The following ISYNA1 variants were observed in gnomAD, a reference collection of about 807,000 sequenced individuals.
The protein encoded by ISYNA1 is inositol-3-phosphate synthase 1.
In ISYNA1, 34 loss-of-function variants were observed where a neutral mutation model predicts 50.3. The observed-to-expected ratio is 0.68, with a 90% CI of 0.51 to 0.90. The LOEUF (loss-of-function observed/expected upper bound fraction) is 0.90, where lower values mean the gene tolerates loss of function less well. Among genes scored for constraint, ISYNA1 ranks in the 40% least tolerant of loss-of-function variants. The probability of loss-of-function intolerance (pLI) is 0.00; values close to 1 mark genes in which losing one functional copy is unlikely to be tolerated. For missense variants in ISYNA1, 718 were observed against 784.8 expected (o/e 0.91, Z 1.02); for synonymous variants, 396 against 349.9 (o/e 1.13, Z -1.47).
In ISYNA1 at chr19:18,436,727, C is replaced by T; in HGVS notation, c.566G>A (p.Ser189Asn). ...TGGGATGAGGTTGTCCGCGCGCGCG[C>T]TCTGGTTGGCCGCGATGAATTCGGG... Reference protein sequence around the residue: ...YIPEFIAANQSARADNLIPGS... With the variant: ...YIPEFIAANQNARADNLIPGS... The change falls in exon 5 of 11, where the codon AGC becomes AAC. Residue 189 changes from serine (S) to asparagine (N), a missense_variant. Physicochemically the swap from Ser to Asn is conservative, Grantham distance 46 (BLOSUM62 1). This residue lies in a region of ISYNA1 where 403 missense variants were observed against 466.6 expected (regional missense o/e 0.86). Transcript: ENST00000338128. 1 of 1,567,718 alleles carries T rather than the reference C, an allele frequency of 6.4e-7. No homozygotes were observed. Among genetic ancestry groups the T allele is most frequent in the Non-Finnish European group, 8.6e-7 (1 of 1,159,984 alleles).
At position 18,435,748 on chromosome 19, in the gene ISYNA1, C is replaced by G; in HGVS notation, c.1140+9G>C. 2 of 1,612,312 alleles carry G rather than the reference C, an allele frequency of 1.2e-6. No individual in the cohort carries two copies. The highest frequency in any genetic ancestry group is 1.1e-5 in the South Asian group (1 of 91,082). On this transcript the variant is annotated intron_variant, in intron 8 of 10. Coordinates refer to ENST00000338128, the MANE Select transcript of ISYNA1 (RefSeq NM_016368.5). ...GGCAACCCCGCGCCCGCGCCCGCGC[C>G]CCACGCACGCAGTGGTCAGGCTCTT...
chr19:18,436,301 T>C, intron 6 of ISYNA1, 29 bp downstream of exon 6: 1 of 1,609,912 alleles, frequency 6.2e-7, no homozygotes. Context: ...TGGCCCTGCC[T>C]GACCCGCTCC....
rs763042538 is a variant in ISYNA1, at chr19:18,434,891, G to A, written c.*22C>T. ...TGGGGGGCAGCGGGGAGGAAGAGCCGAGAAACTGTGTGACCGGGGCCTCAG... is the reference window on the plus strand; with the variant it reads ...TGGGGGGCAGCGGGGAGGAAGAGCCAAGAAACTGTGTGACCGGGGCCTCAG... On this transcript the variant is annotated 3_prime_UTR_variant, in exon 11 of 11. Transcript: ENST00000338128. 12 of 1,605,034 alleles carry A rather than the reference G, an allele frequency of 7.5e-6. No individual in the cohort carries two copies. Among genetic ancestry groups the A allele is most frequent in the Non-Finnish European group, 9.4e-6 (11 of 1,174,024 alleles).
Position 18,436,495 on chromosome 19 carries a change from T to C in ISYNA1, c.610-16A>G. The C allele has an allele frequency of 6.2e-7, 1 of 1,601,890 alleles. No homozygotes were observed. Among genetic ancestry groups the C allele is most frequent in the Non-Finnish European group, 8.5e-7 (1 of 1,179,520 alleles). On this transcript the variant is annotated splice_polypyrimidine_tract_variant and intron_variant, in intron 5 of 10. Transcript: ENST00000338128. ...TCTGCTCCAGCTGTGGGTTGGATGG[T>C]GAGGGTGTGGGGAGGATGGAGAGGG...
rs558889381 is a variant in ISYNA1 at position 18,435,415 on chromosome 19, G to T, written c.1323C>A (p.Ser441Arg). Reference protein sequence around the residue: ...ALLTELCQRVSFCTDMDPEPQ... With the variant: ...ALLTELCQRVRFCTDMDPEPQ... ...GCTCGGGGTCCATGTCAGTGCAGAA[G>T]CTCACGCGCTGGCACAGCTCGGTCA... is the stretch of plus-strand genomic sequence containing the variant. Residue 441 changes from serine (S) to arginine (R), a missense_variant, in exon 10 of 11, where the codon AGC (serine) becomes AGA (arginine). Coordinates refer to ENST00000338128, the MANE Select transcript of ISYNA1 (RefSeq NM_016368.5). The T allele has an allele frequency of 1.9e-6, 3 of 1,610,984 alleles. No homozygotes were observed. Among genetic ancestry groups the T allele is most frequent in the South Asian group, 2.2e-5 (2 of 91,092 alleles).
At position 18,435,823 on chromosome 19, in the gene ISYNA1, G is replaced by T. The variant is rs759435201; in HGVS notation, c.1074C>A (p.Asn358Lys). 1.9e-6 allele frequency: 3 copies of T among 1,613,834 alleles called. No homozygotes were observed. Among genetic ancestry groups the T allele is most frequent in the Non-Finnish European group, 1.7e-6 (2 of 1,179,954 alleles). ...QFRSKEVSKSNVVDDMVQSNP... is the reference protein window; with the variant it reads ...QFRSKEVSKSKVVDDMVQSNP... ...TGCTCTGCACCATGTCGTCCACCAC[G>T]TTGCTCTTGGACACCTCCTTAGAGC... The change falls in exon 8 of 11, where the codon AAC (asparagine) becomes AAA (lysine). Residue 358 changes from asparagine (N) to lysine (K), a missense_variant. Physicochemically the swap from Asn to Lys is moderately conservative, Grantham distance 94. This residue lies in a region of ISYNA1 where 305 missense variants were observed against 292.6 expected (regional missense o/e 1.04). Transcript: ENST00000338128.
Position 18,436,067 on chromosome 19 carries a change from C to G in ISYNA1, c.940G>C (p.Val314Leu). ...GAGCCAATGAGGAAGTCCACAAGCACGGACTTGACTTTGGTCTGGCCTGAC... is the reference window on the plus strand; with the variant it reads ...GAGCCAATGAGGAAGTCCACAAGCAGGGACTTGACTTTGGTCTGGCCTGAC... ...FKSGQTKVKS[V>L]LVDFLIGSGL... The change falls in exon 7 of 11, where the codon GTG becomes CTG. Residue 314 changes from valine (V) to leucine (L), a missense_variant. This residue lies in a region of ISYNA1 where 403 missense variants were observed against 466.6 expected (regional missense o/e 0.86). Transcript: ENST00000338128. 1 of 1,613,384 alleles carries G rather than the reference C, an allele frequency of 6.2e-7. No individual in the cohort carries two copies. Among genetic ancestry groups the G allele is most frequent in the Non-Finnish European group, 8.5e-7 (1 of 1,179,956 alleles).
chr19:18,434,394 TA>T lies in ISYNA1; in HGVS notation c.*518del. 1 of 1,371,888 alleles carries T rather than the reference TA, an allele frequency of 7.3e-7. No homozygotes were observed. Among genetic ancestry groups the T allele is most frequent in the Admixed American group, 3.0e-5 (1 of 33,524 alleles). 85.0% of individuals were successfully genotyped at this position (1,371,888 alleles called of 1,614,324 possible). A position where few individuals can be genotyped will look rare whatever the true frequency, so the allele number is the denominator to read the frequency against. Reference sequence around the variant, plus strand: ...TGGGAGGCCCCACACGAAAGACTCTTACCATTTTATTAAAAACGCAAGGACC... The same window carrying T: ...TGGGAGGCCCCACACGAAAGACTCTTCCATTTTATTAAAAACGCAAGGACC... On this transcript the variant is annotated 3_prime_UTR_variant, in exon 11 of 11. Coordinates refer to ENST00000338128, the MANE Select transcript of ISYNA1 (RefSeq NM_016368.5).
At position 18,437,110 on chromosome 19, in the gene ISYNA1, G is replaced by A. The variant is rs376059509; in HGVS notation, c.283-5C>T. The A allele has an allele frequency of 6.1e-4, 958 of 1,571,924 alleles. No homozygotes were observed. The highest frequency in any genetic ancestry group is 8.0e-4 in the Non-Finnish European group (932 of 1,160,056). ...CGAGCCGTAGTAGTTGGCCTCCTGG[G>A]GGTCAGCAGACACGGCGAGGTGACG... On this transcript the variant is annotated splice_polypyrimidine_tract_variant and splice_region_variant and intron_variant, in intron 3 of 10. Transcript: ENST00000338128.
At chr19:18,436,519 G>A (rs1974051137) in intron 5 of ISYNA1, 40 bp from the exon 6 acceptor site, 3 of 1,601,128 alleles carry the variant, frequency 1.9e-6, no homozygotes, top group East Asian at 2.2e-5. Flanking sequence ...GGATGGAGAG[G>A]GTGTAGGGAA....
In ISYNA1 at chr19:18,435,037, A is replaced by T; in HGVS notation, c.1553T>A (p.Val518Asp). The T allele has an allele frequency of 6.2e-7, 1 of 1,613,496 alleles. No homozygotes were observed. The highest frequency in any genetic ancestry group is 8.5e-7 in the Non-Finnish European group (1 of 1,179,980). The change falls in exon 11 of 11, where the codon GTT becomes GAT. Residue 518 changes from valine to aspartate, a missense_variant. Val to Asp is a radical substitution (Grantham distance 152, BLOSUM62 -3). This residue lies in a region of ISYNA1 where 305 missense variants were observed against 292.6 expected (regional missense o/e 1.04). Transcript: ENST00000338128. Reference sequence around the variant, plus strand: ...AGGGTAGGTGGCAGCCACGGGTCCAACTCGCTTGAGGCTGGGCCCTGGGCG... The same window carrying T: ...AGGGTAGGTGGCAGCCACGGGTCCATCTCGCTTGAGGCTGGGCCCTGGGCG... ...MERPGPSLKRVGPVAATYPML... is the reference protein window; with the variant it reads ...MERPGPSLKRDGPVAATYPML...
chr19:18,436,561 G>A (rs1181469287), intron 5 of ISYNA1, 82 bp from the exon 6 acceptor site: 2 of 1,596,192 alleles, frequency 1.3e-6, no homozygotes, highest in Non-Finnish European at 1.7e-6. Context: ...ACTCACAGAG[G>A]CCTGGGCTAC....
At position 18,437,631 on chromosome 19, in the gene ISYNA1, G is replaced by A; in HGVS notation, c.250C>T (p.Arg84Cys). Residue 84 changes from arginine (R) to cysteine (C), a missense_variant, in exon 3 of 11, where the codon CGT becomes TGT. Coordinates refer to ENST00000338128, the MANE Select transcript of ISYNA1 (RefSeq NM_016368.5). ...CCGCTGCGCGTGGGCCAGGACAAAC[G>A]CAGTCGATTGGCCAGCACCGCGGCG... is the stretch of plus-strand genomic sequence containing the variant. Reference protein sequence around the residue: ...LTAAVLANRLRLSWPTRSGRK... With the variant: ...LTAAVLANRLCLSWPTRSGRK... The A allele has an allele frequency of 6.8e-7, 1 of 1,479,398 alleles. No homozygotes were observed. Among genetic ancestry groups the A allele is most frequent in the Non-Finnish European group, 9.0e-7 (1 of 1,110,110 alleles). 91.6% of individuals were successfully genotyped at this position (1,479,398 alleles called of 1,614,324 possible). A position where few individuals can be genotyped will look rare whatever the true frequency, so the allele number is the denominator to read the frequency against.
At position 18,436,264 on chromosome 19, in the gene ISYNA1, C is replaced by T; in HGVS notation, c.760-17G>A. On this transcript the variant is annotated splice_polypyrimidine_tract_variant and intron_variant, in intron 6 of 10. Transcript: ENST00000338128. ...CAGACCGAGCTGTGGGCAAGGCGGGCAGTCAGCACAGAGCTGTGTCTGTGA... is the reference window on the plus strand; with the variant it reads ...CAGACCGAGCTGTGGGCAAGGCGGGTAGTCAGCACAGAGCTGTGTCTGTGA... The T allele has an allele frequency of 6.2e-7, 1 of 1,607,514 alleles. No individual in the cohort carries two copies. The highest frequency in any genetic ancestry group is 8.5e-7 in the Non-Finnish European group (1 of 1,179,692).
At chr19:18,436,929 C>T in intron 4 of ISYNA1, 44 bp downstream of exon 4, 2 of 1,602,254 alleles carry the variant, frequency 1.2e-6, no homozygotes, top group Non-Finnish European at 1.7e-6. Context: ...CCCTCCAGAC[C>T]CCATCTCCCA....
Position 18,437,679 on chromosome 19 carries a change from C to A in ISYNA1, c.202G>T (p.Gly68Trp). The A allele has an allele frequency of 6.5e-7, 1 of 1,547,036 alleles. No homozygotes were observed. The highest frequency in any genetic ancestry group is 2.4e-5 in the East Asian group (1 of 41,310). The change falls in exon 3 of 11, where the codon GGG (glycine) becomes TGG (tryptophan). Residue 68 changes from glycine (G) to tryptophan (W), a missense_variant. Gly to Trp is a radical substitution (Grantham distance 184). Coordinates refer to ENST00000338128, the MANE Select transcript of ISYNA1 (RefSeq NM_016368.5). ...GCGGTGAGTGTGGAGCCGTTGTTCC[C>A]GCCCCAGCCGACAAGCATGACCCCG... ...RLGVMLVGWG[G>W]NNGSTLTAAV...
Position 18,436,341 on chromosome 19 carries a change from G to T in ISYNA1, c.748C>A (p.Arg250Ser). ...GLNDTAENLL[R>S]TIELGLEVSP... is the part of the protein sequence containing the mutation. The stretch of plus-strand genomic sequence containing the variant: ...GGGCGTTCGCCCACCTCAATGGTGC[G>T]CAGCAGGTTCTCGGCTGTGTCGTTG... The change falls in exon 6 of 11, where the codon CGC becomes AGC. Residue 250 changes from arginine to serine, a missense_variant. Physicochemically the swap from Arg to Ser is moderately radical, Grantham distance 110. Around this residue, in one of 3 missense-constraint regions of ISYNA1, gnomAD observed 403 missense variants for 466.6 expected, o/e 0.86. Transcript: ENST00000338128. The T allele has an allele frequency of 6.2e-7, 1 of 1,612,190 alleles. No homozygotes were observed. The highest frequency in any genetic ancestry group is 2.2e-5 in the East Asian group (1 of 44,880).
rs2303697 is a variant in ISYNA1, at chr19:18,435,868, T to C, written c.1029A>G (p.Leu343=). 603,515 of 1,613,796 alleles carry C rather than the reference T, an allele frequency of 0.37. 119,879 individuals carry two copies. Among genetic ancestry groups the C allele is most frequent in the African/African-American group, 0.75 (56,459 of 74,994 alleles). The change falls in exon 8 of 11, where the codon CTA becomes CTG. Residue 343 remains leucine (L), a synonymous_variant. Transcript: ENST00000338128. ...TAGAGCGGAACTGCAATGGCGCCGA[T>C]AGGTTCTCCCCATCGTTGTTGCCCA... ...NHLGNNDGEN[L]SAPLQFRSKE...
rs1974043563 is a variant in ISYNA1 at position 18,436,451 on chromosome 19, T to C, written c.638A>G (p.Asp213Gly). The C allele has an allele frequency of 6.2e-7, 1 of 1,607,542 alleles. No homozygotes were observed. The highest frequency in any genetic ancestry group is 8.5e-7 in the Non-Finnish European group (1 of 1,179,836). ...QLEQIRRDIR[D>G]FRSSAGLDKV... The stretch of plus-strand genomic sequence containing the variant: ...GTCCAGCCCCGCGCTAGACCGGAAG[T>C]CTCGGATGTCCCTGCGGATCTGCTC... The change falls in exon 6 of 11, where the codon GAC (aspartate) becomes GGC (glycine). Residue 213 changes from aspartate to glycine, a missense_variant. Physicochemically the swap from Asp to Gly is moderately conservative, Grantham distance 94. Around this residue, in one of 3 missense-constraint regions of ISYNA1, gnomAD observed 403 missense variants for 466.6 expected, o/e 0.86. Transcript: ENST00000338128.
Sources: gnomAD v4.1 joint callset for allele counts on GRCh38, gnomAD v4.1.1 for gene constraint, gnomAD v4.1.1 regional missense constraint, MANE v1.5 for transcripts, NCBI Gene and HGNC (gene_info 2026-07-23, HGNC 2026-07-21) for gene names.